IL1RAPL1: variants seen among roughly 807,000 people sequenced by gnomAD.
The protein encoded by IL1RAPL1 is interleukin-1 receptor accessory protein-like 1.
A neutral mutation model predicts 48.4 loss-of-function variants in IL1RAPL1; 3 were observed. The observed-to-expected ratio is 0.06, with a 90% confidence interval of 0.03 to 0.16. The LOEUF (loss-of-function observed/expected upper bound fraction) is 0.16, where lower values mean the gene tolerates loss of function less well. Ranked by LOEUF, IL1RAPL1 falls within the 10% of genes least tolerant of loss-of-function variation. The probability of loss-of-function intolerance (pLI) is 1.00; values close to 1 mark genes in which losing one functional copy is unlikely to be tolerated. For synonymous variants in IL1RAPL1, 185 were observed against 187.7 expected, an observed-to-expected ratio of 0.99 and a Z score of 0.12; for missense variants, 349 against 530.6, an observed-to-expected ratio of 0.66 and a Z score of 3.36.
chrX:28,645,545 T>G (rs777028936), intron 1 of IL1RAPL1, among the ~76,000 whole-genome samples: 1 of 109,801 alleles, frequency 9.1e-6, no homozygotes, highest in Admixed American at 9.8e-5. Context: ...TTTTATGCTA[T>G]TGGCGATGAG....
At chrX:29,586,361 C>T (rs961248659) in intron 5 of IL1RAPL1, among the ~76,000 whole-genome samples, 1 of 111,390 alleles carries the variant, frequency 9.0e-6, no homozygotes, top group Non-Finnish European at 1.9e-5. Context: ...GTTGTATATA[C>T]ATGGATTTAT....
chrX:28,794,292 G>A (rs7876452), intron 2 of IL1RAPL1, among the ~76,000 whole-genome samples: 2 of 110,868 alleles, frequency 1.8e-5, no homozygotes, highest in East Asian at 5.7e-4. Context: ...ATGATTCTTC[G>A]AGTATTTTTC....
chrX:29,494,019 C>T (rs893374580), intron 5 of IL1RAPL1, among the ~76,000 whole-genome samples: 1 of 110,968 alleles, frequency 9.0e-6, no homozygotes, highest in African/African-American at 3.3e-5. Flanking sequence ...CTCAGCCTCC[C>T]GAGTAGCTGG....
intron 2 of IL1RAPL1, among the ~76,000 whole-genome samples, chrX:29,117,087 G>A (rs1295442340): frequency 2.7e-5 from 3 of 111,439 alleles, no homozygotes; most frequent in African/African-American, 9.8e-5. Flanking sequence ...GTAATTGTGT[G>A]ATTAGGATGT....
chrX:28,954,034 A>G (rs1232529953), intron 2 of IL1RAPL1, among the ~76,000 whole-genome samples: 2 of 111,654 alleles, frequency 1.8e-5, no homozygotes, highest in African/African-American at 6.5e-5. Flanking sequence ...CATATGGTGC[A>G]TAAAGCTCTG....
chrX:29,011,707 A>T (rs1926126053), intron 2 of IL1RAPL1, among the ~76,000 whole-genome samples: 1 of 112,251 alleles, frequency 8.9e-6, no homozygotes, highest in South Asian at 3.7e-4. Flanking sequence ...TGTAGCGATG[A>T]TTTCCTGGGT....
intron 5 of IL1RAPL1, among the ~76,000 whole-genome samples, chrX:29,621,748 ATATT>A (rs1924468685): frequency 8.9e-6 from 1 of 112,201 alleles, no homozygotes; most frequent in Admixed American, 9.4e-5. Flanking sequence ...GTCACCTTAA[ATATT>A]TATATTTTCT....
At chrX:29,368,188 A>T (rs181238202) in intron 3 of IL1RAPL1, among the ~76,000 whole-genome samples, 1 of 111,977 alleles carries the variant, frequency 8.9e-6, no homozygotes, top group African/African-American at 3.2e-5. Context: ...TGTGTTAGGT[A>T]TTGTAAGTAA....
At chrX:28,694,156 A>G (rs1203825392) in intron 1 of IL1RAPL1, among the ~76,000 whole-genome samples, 2 of 111,655 alleles carry the variant, frequency 1.8e-5, no homozygotes, top group East Asian at 5.7e-4. Context: ...CCAGGAAACC[A>G]GAGAACATTC....
chrX:29,561,810 G>A (rs758964616), intron 5 of IL1RAPL1, among the ~76,000 whole-genome samples: 1 of 110,671 alleles, frequency 9.0e-6, no homozygotes. Context: ...GTCAAAATTG[G>A]TGTTGCTATG....
chrX:28,857,368 A>G (rs1427712917), intron 2 of IL1RAPL1, among the ~76,000 whole-genome samples: 2 of 112,133 alleles, frequency 1.8e-5, no homozygotes, highest in African/African-American at 3.2e-5. Flanking sequence ...TGGTGTATAC[A>G]AAGCAGCCCT....
chrX:29,324,950 A>G (rs1013436548), intron 3 of IL1RAPL1, among the ~76,000 whole-genome samples: 1 of 112,060 alleles, frequency 8.9e-6, no homozygotes, highest in Non-Finnish European at 1.9e-5. Context: ...AATAGATAGA[A>G]TATCTTACAA....
intron 2 of IL1RAPL1, among the ~76,000 whole-genome samples, chrX:29,055,910 A>G (rs1470610428): frequency 8.9e-6 from 1 of 111,904 alleles, no homozygotes; most frequent in African/African-American, 3.2e-5. Flanking sequence ...AGATTTAATC[A>G]TAAAATGATT....
At chrX:29,240,213 T>C (rs1301769485) in intron 2 of IL1RAPL1, among the ~76,000 whole-genome samples, 4 of 51,683 alleles carry the variant, frequency 7.7e-5, no homozygotes, top group Non-Finnish European at 1.1e-4. Flanking sequence ...TATATATATA[T>C]ATATATATAT....
intron 3 of IL1RAPL1, among the ~76,000 whole-genome samples, chrX:29,365,440 A>G (rs1259958977): frequency 8.9e-6 from 1 of 112,907 alleles, no homozygotes; most frequent in Non-Finnish European, 1.9e-5. Context: ...TCACGCCTGT[A>G]ATCCTAGCAC....
At chrX:28,603,063 A>C (rs1158487348) in intron 1 of IL1RAPL1, among the ~76,000 whole-genome samples, 2 of 111,708 alleles carry the variant, frequency 1.8e-5, no homozygotes, top group African/African-American at 6.5e-5. Flanking sequence ...ATTGGAAATA[A>C]TTTCATACCT....
intron 6 of IL1RAPL1, among the ~76,000 whole-genome samples, chrX:29,867,642 A>G (rs1931722560): frequency 8.9e-6 from 1 of 112,446 alleles, no homozygotes; most frequent in African/African-American, 3.2e-5. Context: ...CAAATACCAA[A>G]TAAACATAAA....
chrX:29,230,621 A>G (rs1931186157), intron 2 of IL1RAPL1, among the ~76,000 whole-genome samples: 1 of 107,382 alleles, frequency 9.3e-6, no homozygotes, highest in Non-Finnish European at 1.9e-5. Context: ...ACTACTGAAA[A>G]CTTGAAAGCC....
chrX:29,037,594 T>C lies in IL1RAPL1; in HGVS notation c.83-245344T>C, dbSNP rs144782399. 6.4e-4 allele frequency among the ~76,000 whole-genome samples: 72 copies of C among 112,113 alleles called. No homozygotes were observed. In the East Asian group the frequency reaches 0.014, roughly 22 times the overall value. On this transcript the variant is annotated intron_variant, in intron 2 of 10. Transcript: ENST00000378993. ...ACCGTGCTTTTCAAATTGTATTTCA[T>C]GTGTGTTCAAAATGAAGGATAATGA...
Sources: gnomAD v4.1 joint callset for allele counts (sites outside exome capture counted in the v4.1 genomes callset) on GRCh38, gnomAD v4.1.1 for gene constraint, MANE v1.5 for transcripts, NCBI Gene and HGNC (gene_info 2026-07-23, HGNC 2026-07-21) for gene names.